PHF14: variants seen among roughly 807,000 people sequenced by gnomAD.
PHF14 encodes the protein PHD finger protein 14.
Under a neutral mutation model 117.9 loss-of-function variants are expected in PHF14, and 55 were observed. That is an observed-to-expected ratio of 0.47 (90% CI 0.38 to 0.58). PHF14 has a LOEUF of 0.58. PHF14 is among the 20% of genes least tolerant of loss of function. The pLI, the probability that PHF14 is intolerant of heterozygous loss-of-function variation, is 0.00. For missense variants in PHF14, 978 were observed against 1,122.2 expected (o/e 0.87, Z 1.84); for synonymous variants, 409 against 368.6 (o/e 1.11, Z -1.26).
intron 17 of PHF14, among the ~76,000 whole-genome samples, chr7:11,122,961 C>T (rs1427115172): frequency 2.6e-5 from 4 of 152,206 alleles, no homozygotes; most frequent in Admixed American, 6.5e-5. Context: ...CTCTATTATT[C>T]TGTGTCATGT....
intron 17 of PHF14, among the ~76,000 whole-genome samples, chr7:11,154,995 G>A (rs921777175): frequency 6.6e-6 from 1 of 151,956 alleles, no homozygotes; most frequent in African/African-American, 2.4e-5. Context: ...TTTTTGAAGA[G>A]GATCCTTACT....
At chr7:11,075,013 C>G (rs1344165489) in intron 16 of PHF14, among the ~76,000 whole-genome samples, 1 of 148,700 alleles carries the variant, frequency 6.7e-6, no homozygotes, top group Non-Finnish European at 1.5e-5. Context: ...TTTTCGTTTA[C>G]TGCAACCCCC....
intron 17 of PHF14, among the ~76,000 whole-genome samples, chr7:11,137,483 G>T (rs1788255735): frequency 6.6e-6 from 1 of 151,158 alleles, no homozygotes; most frequent in Non-Finnish European, 1.5e-5. Context: ...AGCTGGAACT[G>T]CAGTTTTAAT....
rs575736684 is a variant in PHF14 at position 11,037,523 on chromosome 7, T to G, written c.1980+432T>G. ...TAAACATTGCTATAGAGCTTCACTT[T>G]CTAAGTTTGTAGAAAATTTAGAAAC... On this transcript the variant is annotated intron_variant, in intron 10 of 17. Transcript: ENST00000634607. Among the ~76,000 whole-genome samples the G allele has an allele frequency of 3.9e-5, 6 of 152,320 alleles. No homozygotes were observed. In the East Asian group the frequency reaches 9.6e-4, roughly 24 times the overall value.
chr7:11,134,132 G>A (rs914503349), intron 17 of PHF14, among the ~76,000 whole-genome samples: 1 of 151,936 alleles, frequency 6.6e-6, no homozygotes, highest in African/African-American at 2.4e-5. Context: ...CCCATTAAAA[G>A]ATTTTTTTGG....
In PHF14 at chr7:11,130,496, A is replaced by AT. The variant is rs1419944138; in HGVS notation, c.2772+19034dup. ...TTTTTAAAAATAGCCTTTTGGTAGT[A>AT]TTTTTGATTTTTTTGTTTCTTTTTG... On this transcript the variant is annotated intron_variant, in intron 17 of 17. Coordinates refer to ENST00000634607, the MANE Select transcript of PHF14 (RefSeq NM_001007157.2). The surrounding 1 kb of genome is among the most constrained non-coding windows in gnomAD (Gnocchi z 4.2). Among the ~76,000 whole-genome samples the AT allele has an allele frequency of 1.3e-5, 2 of 151,728 alleles. No individual in the cohort carries two copies. Among genetic ancestry groups the AT allele is most frequent in the African/African-American group, 2.4e-5 (1 of 41,352 alleles).
At chr7:11,116,928 A>G (rs911668872) in intron 17 of PHF14, among the ~76,000 whole-genome samples, 43 of 151,998 alleles carry the variant, frequency 2.8e-4, no homozygotes, top group African/African-American at 9.2e-4. Flanking sequence ...ATTGCCATAT[A>G]AGATATAAAG....
At chr7:11,082,600 G>A (rs1786191611) in intron 16 of PHF14, among the ~76,000 whole-genome samples, 1 of 152,160 alleles carries the variant, frequency 6.6e-6, no homozygotes, top group Admixed American at 6.5e-5. Flanking sequence ...ACAATGAATT[G>A]TTGACTTGTA....
intron 16 of PHF14, chr7:11,062,528 C>G (rs1034059747): frequency 5.0e-6 from 1 of 198,394 alleles, no homozygotes; most frequent in African/African-American, 2.4e-5. Context: ...TTAGCACTTT[C>G]TTATTGCTTA....
chr7:11,158,612 C>T (rs1365191266), intron 17 of PHF14, among the ~76,000 whole-genome samples: 5 of 151,954 alleles, frequency 3.3e-5, no homozygotes, highest in Non-Finnish European at 7.4e-5. Context: ...AGTCACTAAG[C>T]AGTTTTAAAA....
chr7:11,143,734 C>G (rs1381835250), intron 17 of PHF14, among the ~76,000 whole-genome samples: 1 of 152,066 alleles, frequency 6.6e-6, no homozygotes, highest in African/African-American at 2.4e-5. Flanking sequence ...CAGGGGAATA[C>G]TCTGGTATTC....
At chr7:11,152,708 C>A (rs1427444060) in intron 17 of PHF14, among the ~76,000 whole-genome samples, 1 of 152,064 alleles carries the variant, frequency 6.6e-6, no homozygotes, top group African/African-American at 2.4e-5. Context: ...GGCAGACAGA[C>A]AATCTGTAAA....
At chr7:11,022,411 A>G (rs1446916845) in intron 5 of PHF14, among the ~76,000 whole-genome samples, 1 of 152,186 alleles carries the variant, frequency 6.6e-6, no homozygotes, top group Admixed American at 6.5e-5. Context: ...AAAGAGTAAT[A>G]AGAGAAATTT....
rs769959324 is a variant in PHF14, at chr7:11,040,696, C to T, written c.2101C>T (p.Arg701Ter). The T allele has an allele frequency of 6.4e-6, 10 of 1,558,024 alleles. No homozygotes were observed. The highest frequency in any genetic ancestry group is 4.1e-5 in the African/African-American group (3 of 73,108). The change falls in exon 12 of 18, where the codon CGA becomes TGA. Residue 701 changes from arginine to a stop codon, truncating the protein, a stop_gained. Coordinates refer to ENST00000634607, the MANE Select transcript of PHF14 (RefSeq NM_001007157.2). LOFTEE classifies it high-confidence loss of function. ...GAAGTTGAATATACCGGCAATTTTGCGAGCACCCAAGGAGAGAAAACCAAG... is the reference window on the plus strand; with the variant it reads ...GAAGTTGAATATACCGGCAATTTTGTGAGCACCCAAGGAGAGAAAACCAAG... ...GQKLNIPAIL[R>*]APKERKPSKK... is the part of the protein sequence containing the mutation.
At chr7:11,132,382 G>A (rs887592170) in intron 17 of PHF14, among the ~76,000 whole-genome samples, 3 of 149,992 alleles carry the variant, frequency 2.0e-5, no homozygotes, top group Non-Finnish European at 3.0e-5. Flanking sequence ...GTTTCACTTA[G>A]TCTTGTGTCC....
intron 8 of PHF14, 117 bp downstream of exon 8, chr7:11,035,903 A>G (rs529745532): frequency 3.1e-5 from 24 of 764,548 alleles, no homozygotes; most frequent in Non-Finnish European, 4.9e-5. Context: ...TTAGTTACCT[A>G]GGAAATGGAT....
intron 16 of PHF14, among the ~76,000 whole-genome samples, chr7:11,078,400 T>G (rs1785950153): frequency 1.3e-5 from 2 of 152,088 alleles, no homozygotes; most frequent in South Asian, 4.2e-4. Flanking sequence ...GAGCTAAAAT[T>G]AAGAGGTTGA....
At chr7:11,066,707 A>G (rs1785435894) in intron 16 of PHF14, among the ~76,000 whole-genome samples, 1 of 152,182 alleles carries the variant, frequency 6.6e-6, no homozygotes, top group South Asian at 2.1e-4. Context: ...CTTTGGTGCC[A>G]CTTTTAAATG....
chr7:11,121,534 C>T (rs1191609474), intron 17 of PHF14, among the ~76,000 whole-genome samples: 2 of 152,068 alleles, frequency 1.3e-5, no homozygotes, highest in Non-Finnish European at 2.9e-5. Context: ...TTTTCCTAGA[C>T]ATGTCTTTTC....
Sources: gnomAD v4.1 joint callset for allele counts (sites outside exome capture counted in the v4.1 genomes callset) on GRCh38, gnomAD v4.1.1 for gene constraint, Gnocchi (gnomAD v3.1) non-coding constraint, MANE v1.5 for transcripts, NCBI Gene and HGNC (gene_info 2026-07-23, HGNC 2026-07-21) for gene names.